The following NLRC3 variants were observed in gnomAD, a reference collection of about 807,000 sequenced individuals.
NLRC3 encodes NLR family CARD domain-containing protein 3.
Under a neutral mutation model 91.6 loss-of-function variants are expected in NLRC3, and 87 were observed. The ratio of observed to expected loss-of-function variants is 0.95; its 90% CI spans 0.80 to 1.14. The LOEUF is 1.14. NLRC3 is among the 50% of genes most tolerant of loss of function. The pLI, the probability that NLRC3 is intolerant of heterozygous loss-of-function variation, is 0.00. For missense variants in NLRC3, 1,577 were observed against 1,418.6 expected (o/e 1.11, Z -1.79); for synonymous variants, 694 against 625.3 (o/e 1.11, Z -1.64).
intron 1 of NLRC3, among the ~76,000 whole-genome samples, chr16:3,575,320 C>T (rs2040244753): frequency 1.3e-5 from 2 of 152,340 alleles, no homozygotes; most frequent in South Asian, 4.1e-4. Context: ...TAACATCCCC[C>T]TGGCAGGCTG....
Position 3,564,622 on chromosome 16 carries a change from G to A in NLRC3, c.315C>T (p.Asp105=). The part of the protein sequence containing the change: ...GLTDLQLREH[D]FTQVEATRGG... ...CGCGGGTGGCCTCCACCTGTGTGAA[G>A]TCGTGTTCCCTCAGCTGCAGGTCCG... Residue 105 remains aspartate (D), a synonymous_variant, in exon 5 of 20, where the codon GAC becomes GAT. Transcript: ENST00000359128. This position sits in a 1 kb window ranked among gnomAD's most constrained non-coding sequence, Gnocchi z 5.9. 4 of 1,609,558 alleles carry A rather than the reference G, an allele frequency of 2.5e-6. No homozygotes were observed. Among genetic ancestry groups the A allele is most frequent in the Non-Finnish European group, 2.5e-6 (3 of 1,179,736 alleles).
intron 16 of NLRC3, chr16:3,544,039 C>T (rs2038552062): frequency 1.8e-6 from 1 of 553,502 alleles, no homozygotes; most frequent in African/African-American, 1.9e-5. Context: ...CCTGTTATCC[C>T]AACTACTGTA....
At chr16:3,550,121 A>T (rs2038916473) in intron 11 of NLRC3, among the ~76,000 whole-genome samples, 4 of 152,080 alleles carry the variant, frequency 2.6e-5, no homozygotes, top group African/African-American at 7.2e-5. Context: ...TGTAGCGCTG[A>T]GCTCTCCTTT....
rs747567475 is a variant in NLRC3, at chr16:3,564,083, T to TGG, written c.853_854insCC (p.Glu285AlafsTer30). 6.8e-6 allele frequency: 11 copies of TGG among 1,613,324 alleles called. No homozygotes were observed. The highest frequency in any genetic ancestry group is 9.3e-6 in the Non-Finnish European group (11 of 1,179,878). ...CTCCTCCTCGTTAAAGCCCCGGATC[T>TGG]CCGTCATCCGGTCCACCAGGCCCCC... On this transcript the variant is annotated frameshift_variant, in exon 5 of 20. Coordinates refer to ENST00000359128, the MANE Select transcript of NLRC3 (RefSeq NM_178844.4). LOFTEE classifies it high-confidence loss of function. The surrounding 1 kb of genome is among the most constrained non-coding windows in gnomAD (Gnocchi z 5.9).
At chr16:3,555,609 G>A (rs762507418) in intron 8 of NLRC3, among the ~76,000 whole-genome samples, 7 of 151,894 alleles carry the variant, frequency 4.6e-5, no homozygotes, top group African/African-American at 7.3e-5. Context: ...TCGCTCTGTC[G>A]CCCAGGCTGG....
At chr16:3,552,088 CCTATCCATCAAT>C in intron 10 of NLRC3, 96 bp downstream of exon 10, 1 of 723,020 alleles carries the variant, frequency 1.4e-6, no homozygotes, top group Non-Finnish European at 2.5e-6. Context: ...CATCCATTCA[CCTATCCATCAAT>C]CCATCCATCC....
chr16:3,565,696 C>T (rs2039852652), intron 2 of NLRC3, among the ~76,000 whole-genome samples: 1 of 151,890 alleles, frequency 6.6e-6, no homozygotes. Flanking sequence ...AGTGGTGGGT[C>T]CATGTCATTA....
chr16:3,576,380 T>A (rs926725070), intron 1 of NLRC3, among the ~76,000 whole-genome samples: 2 of 152,210 alleles, frequency 1.3e-5, no homozygotes, highest in African/African-American at 4.8e-5. Context: ...GCACCCTCCC[T>A]GCCCCTCATG....
intron 6 of NLRC3, among the ~76,000 whole-genome samples, chr16:3,559,229 T>C (rs774772199): frequency 2.0e-5 from 3 of 152,324 alleles, no homozygotes; most frequent in East Asian, 1.9e-4. Context: ...TCTGGGACTT[T>C]TATGGCATTT....
At chr16:3,565,101 C>A (rs933737690) in intron 3 of NLRC3, 41 bp from the exon 4 acceptor site, 1 of 1,495,836 alleles carries the variant, frequency 6.7e-7, no homozygotes. Flanking sequence ...GCCGTGCCCC[C>A]CATCCAGCAG....
At chr16:3,552,470 G>T (rs192755740) in intron 9 of NLRC3, among the ~76,000 whole-genome samples, 191 bp from the exon 10 acceptor site, 47 of 152,308 alleles carry the variant, frequency 3.1e-4, no homozygotes, top group Admixed American at 2.9e-3. Context: ...TATGATGAGG[G>T]ATAGTAAGGG....
intron 1 of NLRC3, among the ~76,000 whole-genome samples, chr16:3,569,180 G>A (rs1432016623): frequency 6.6e-6 from 1 of 151,598 alleles, no homozygotes; most frequent in African/African-American, 2.4e-5. Context: ...TGGGTGTGAT[G>A]GCGTGTGCCT....
chr16:3,563,995 G>C lies in NLRC3; in HGVS notation c.942C>G (p.Ser314Arg). The C allele has an allele frequency of 6.2e-7, 1 of 1,607,464 alleles. No individual in the cohort carries two copies. The highest frequency in any genetic ancestry group is 2.2e-5 in the East Asian group (1 of 44,862). Residue 314 changes from serine (S) to arginine (R), a missense_variant, in exon 5 of 20, where the codon AGC becomes AGG. Physicochemically the swap from Ser to Arg is moderately radical, Grantham distance 110. Transcript: ENST00000359128. The stretch of plus-strand genomic sequence containing the variant: ...ACAGGGCCCTGTCAGCCTGCACTTG[G>C]CTCAGCATCCAGCCCAGAAGGGCCT... ...EDQALLGWMLSQVQADRALYL... is the reference protein window; with the variant it reads ...EDQALLGWMLRQVQADRALYL...
chr16:3,575,713 C>T (rs1199387081), intron 1 of NLRC3, among the ~76,000 whole-genome samples: 1 of 152,180 alleles, frequency 6.6e-6, no homozygotes, highest in Non-Finnish European at 1.5e-5. Context: ...GCCTCAGTCC[C>T]GACGGACTAG....
chr16:3,577,123 A>G (rs1451997389), intron 1 of NLRC3, 26 bp downstream of exon 1: 1 of 702,958 alleles, frequency 1.4e-6, no homozygotes, highest in Admixed American at 2.0e-5. Flanking sequence ...CCTGCCCTGC[A>G]CTGAGGTCAC....
At chr16:3,567,442 C>T (rs1239632409) in intron 1 of NLRC3, 118 bp from the exon 2 acceptor site, 1 of 152,218 alleles carries the variant, frequency 6.6e-6, no homozygotes, top group Non-Finnish European at 1.5e-5. Flanking sequence ...GGTTGGACCC[C>T]ACCTGTCCAC....
At chr16:3,548,441 C>T (rs2038813118) in intron 14 of NLRC3, among the ~76,000 whole-genome samples, 1 of 152,250 alleles carries the variant, frequency 6.6e-6, no homozygotes, top group Admixed American at 6.5e-5. Flanking sequence ...CTCCAAATGG[C>T]CTCTGCCTGG....
Position 3,577,304 on chromosome 16 carries a change from G to A in NLRC3, c.-324C>T. ...TGAGTTCTCAGGACCAGGGATCAGG[G>A]CACTTACCACGCCAACCAACCAACC... On this transcript the variant is annotated 5_prime_UTR_variant, in exon 1 of 20. Transcript: ENST00000359128. The A allele has an allele frequency of 1.5e-6, 1 of 665,618 alleles. No homozygotes were observed. The highest frequency in any genetic ancestry group is 2.7e-6 in the Non-Finnish European group (1 of 365,218). The allele number at this position is 665,618 out of a possible 1,614,324, so 41.2% of individuals were successfully genotyped here.
intron 1 of NLRC3, among the ~76,000 whole-genome samples, chr16:3,569,466 C>T (rs1320705075): frequency 4.1e-5 from 5 of 123,436 alleles, no homozygotes; most frequent in Non-Finnish European, 7.9e-5. Flanking sequence ...TGCAGTGGCA[C>T]GATCTCACTG....
Sources: gnomAD v4.1 joint callset for allele counts (sites outside exome capture counted in the v4.1 genomes callset) on GRCh38, gnomAD v4.1.1 for gene constraint, Gnocchi (gnomAD v3.1) non-coding constraint, MANE v1.5 for transcripts, NCBI Gene and HGNC (gene_info 2026-07-23, HGNC 2026-07-21) for gene names.